Variants in PYGO1 observed in about 807,000 individuals in gnomAD.
PYGO1 encodes pygopus homolog 1.
Under a neutral mutation model 29.5 loss-of-function variants are expected in PYGO1, and 6 were observed. The observed-to-expected ratio is 0.20, with a 90% confidence interval of 0.11 to 0.40. PYGO1 has a LOEUF of 0.40. Among genes scored for constraint, PYGO1 ranks in the 10% least tolerant of loss-of-function variants. The pLI, the probability that PYGO1 is intolerant of heterozygous loss-of-function variation, is 1.00. For synonymous variants in PYGO1, 186 were observed against 180.5 expected (o/e 1.03, Z -0.24); for missense variants, 515 against 514.9 (o/e 1.00, Z 0.00).
chr15:55,566,784 G>C (rs2058958692), intron 1 of PYGO1, among the ~76,000 whole-genome samples: 1 of 152,294 alleles, frequency 6.6e-6, no homozygotes, highest in South Asian at 2.1e-4. Flanking sequence ...AGGCTGGAGT[G>C]CAGTGGCGTG....
intron 1 of PYGO1, among the ~76,000 whole-genome samples, chr15:55,581,035 C>A (rs1229291130): frequency 6.6e-6 from 1 of 152,142 alleles, no homozygotes; most frequent in East Asian, 1.9e-4. Flanking sequence ...CTGTAAGGAT[C>A]TTATAACCTA....
rs531931211 is a variant in PYGO1, at chr15:55,588,338, G to A, written c.-455C>T. On this transcript the variant is annotated 5_prime_UTR_variant, in exon 1 of 3. Transcript: ENST00000563719. ...TCTGCTCTCTCGCCGCTCCCGAGTCGCAGACACAAAAGCCCCCAGACTGGA... is the reference window on the plus strand; with the variant it reads ...TCTGCTCTCTCGCCGCTCCCGAGTCACAGACACAAAAGCCCCCAGACTGGA... 4.3e-3 allele frequency among the ~76,000 whole-genome samples: 640 copies of A among 148,700 alleles called. 3 individuals are homozygous for A. The highest frequency in any genetic ancestry group is 6.9e-3 in the Non-Finnish European group (462 of 66,638).
intron 1 of PYGO1, among the ~76,000 whole-genome samples, chr15:55,586,444 C>T (rs894449927): frequency 1.3e-5 from 2 of 152,108 alleles, no homozygotes; most frequent in Non-Finnish European, 2.9e-5. Context: ...ATCCTATAGC[C>T]GGCAGCATTA....
chr15:55,549,008 AAAT>A lies in PYGO1; in HGVS notation c.50-16_50-14del, dbSNP rs1392826246. The A allele has an allele frequency of 6.3e-6, 10 of 1,590,608 alleles. No homozygotes were observed. Among genetic ancestry groups the A allele is most frequent in the South Asian group, 1.2e-5 (1 of 86,344 alleles). ...CCACTATCACCACCTAAAAAAAAAA[AAAT>A]TCAGGTAATATTTCCCACTTGTAAG... On this transcript the variant is annotated splice_polypyrimidine_tract_variant and intron_variant, in intron 1 of 2. Transcript: ENST00000563719.
At position 55,542,280 on chromosome 15, in the gene PYGO1, TAA is replaced by T. The variant is rs1443710070; in HGVS notation, c.*3741_*3742del. The T allele has an allele frequency of 1.3e-5, 2 of 152,196 alleles. No individual in the cohort carries two copies. Among genetic ancestry groups the T allele is most frequent in the Non-Finnish European group, 2.9e-5 (2 of 68,026 alleles). 9.4% of individuals were successfully genotyped at this position (152,196 alleles called of 1,614,324 possible). On this transcript the variant is annotated 3_prime_UTR_variant, in exon 3 of 3. Transcript: ENST00000563719. Reference sequence around the variant, plus strand: ...CAGATTTTATGATGACCCACACTATTAAGAGGTTTTTCTGCCACTAGGCAGAG... The same window carrying T: ...CAGATTTTATGATGACCCACACTATTGAGGTTTTTCTGCCACTAGGCAGAG...
intron 1 of PYGO1, among the ~76,000 whole-genome samples, chr15:55,556,157 T>G (rs958650044): frequency 5.9e-5 from 9 of 152,192 alleles, no homozygotes; most frequent in African/African-American, 2.2e-4. Context: ...CAAGAGGACC[T>G]GATAGATATA....
At chr15:55,566,047 C>T (rs192295526) in intron 1 of PYGO1, among the ~76,000 whole-genome samples, 2 of 152,338 alleles carry the variant, frequency 1.3e-5, no homozygotes, top group East Asian at 3.9e-4. Flanking sequence ...TCCCAAAGTG[C>T]TGGGATTACA....
chr15:55,585,644 C>A (rs1291858999), intron 1 of PYGO1, among the ~76,000 whole-genome samples: 1 of 152,152 alleles, frequency 6.6e-6, no homozygotes, highest in Non-Finnish European at 1.5e-5. Flanking sequence ...GAGCCAACCC[C>A]AATAGCTACG....
intron 1 of PYGO1, among the ~76,000 whole-genome samples, chr15:55,571,130 G>A (rs1046663963): frequency 6.6e-6 from 1 of 151,296 alleles, no homozygotes; most frequent in Non-Finnish European, 1.5e-5. Flanking sequence ...GTCTTTCTGT[G>A]ACTGACTTAT....
intron 1 of PYGO1, among the ~76,000 whole-genome samples, chr15:55,560,267 T>C (rs2058927375): frequency 6.6e-6 from 1 of 152,128 alleles, no homozygotes; most frequent in East Asian, 1.9e-4. Context: ...GATGACATGA[T>C]ATATCTAGAA....
rs145370110 is a variant in PYGO1, at chr15:55,586,285, C to G, written c.49+1550G>C. On this transcript the variant is annotated intron_variant, in intron 1 of 2. Transcript: ENST00000563719. ...CTAGTCTCCCCTGCTTCAGCCTTTT[C>G]TCTACAGTCTATTCTCCGCACAGCA... is the stretch of plus-strand genomic sequence containing the variant. Among the ~76,000 whole-genome samples, 13 of 152,302 alleles carry G rather than the reference C, an allele frequency of 8.5e-5. 1 individual carries two copies. In the East Asian group the frequency reaches 2.5e-3, roughly 29 times the overall value.
At chr15:55,559,155 C>T (rs979054623) in intron 1 of PYGO1, among the ~76,000 whole-genome samples, 8 of 152,110 alleles carry the variant, frequency 5.3e-5, no homozygotes, top group South Asian at 4.1e-4. Flanking sequence ...ACAACCCCAT[C>T]GAAACGCGGG....
intron 1 of PYGO1, among the ~76,000 whole-genome samples, chr15:55,561,986 A>C (rs952276863): frequency 6.6e-6 from 1 of 152,210 alleles, no homozygotes; most frequent in Non-Finnish European, 1.5e-5. Flanking sequence ...AAGGAACTTA[A>C]ATTTACAAGA....
At chr15:55,554,078 A>C (rs2058892205) in intron 1 of PYGO1, among the ~76,000 whole-genome samples, 1 of 152,208 alleles carries the variant, frequency 6.6e-6, no homozygotes, top group African/African-American at 2.4e-5. Context: ...AAAAGATGAG[A>C]AAGAATCAAC....
chr15:55,574,925 A>G (rs2058995155), intron 1 of PYGO1, among the ~76,000 whole-genome samples: 1 of 152,216 alleles, frequency 6.6e-6, no homozygotes, highest in Non-Finnish European at 1.5e-5. Context: ...AGATTGTTAC[A>G]AAACTGAAGG....
chr15:55,557,214 C>T (rs569248516), intron 1 of PYGO1, among the ~76,000 whole-genome samples: 26 of 152,256 alleles, frequency 1.7e-4, no homozygotes, highest in African/African-American at 5.3e-4. Context: ...ACTATAAACA[C>T]GTCTACGCAA....
rs1235838453 is a variant in PYGO1, at chr15:55,540,317, T to C, written c.*5706A>G. 2.0e-5 allele frequency: 3 copies of C among 152,056 alleles called. No individual in the cohort carries two copies. Among genetic ancestry groups the C allele is most frequent in the African/African-American group, 7.2e-5 (3 of 41,426 alleles). The allele number at this position is 152,056 out of a possible 1,614,324, so 9.4% of individuals were successfully genotyped here. A position where few individuals can be genotyped will look rare whatever the true frequency, so the allele number is the denominator to read the frequency against. Reference sequence around the variant, plus strand: ...AAGATAAATATTACAGTACTACTTATTTTGGTTATGATGAAGTGAATGATG... The same window carrying C: ...AAGATAAATATTACAGTACTACTTACTTTGGTTATGATGAAGTGAATGATG... On this transcript the variant is annotated 3_prime_UTR_variant, in exon 3 of 3. Transcript: ENST00000563719.
intron 1 of PYGO1, among the ~76,000 whole-genome samples, chr15:55,557,096 G>A (rs1422889443): frequency 1.3e-5 from 2 of 148,708 alleles, no homozygotes; most frequent in African/African-American, 4.9e-5. Context: ...TGAAAAGGAG[G>A]ACGACTAATA....
intron 1 of PYGO1, among the ~76,000 whole-genome samples, chr15:55,574,667 T>C (rs2058993948): frequency 6.6e-6 from 1 of 151,624 alleles, no homozygotes; most frequent in African/African-American, 2.4e-5. Context: ...TGTGTGTGTG[T>C]GTGTGTATGA....
Sources: allele counts gnomAD v4.1 joint callset (sites outside exome capture counted in the v4.1 genomes callset), GRCh38; gene constraint gnomAD v4.1.1; transcripts MANE v1.5; gene names NCBI Gene and HGNC (gene_info 2026-07-23, HGNC 2026-07-21).